SPATA31D1: variants seen among roughly 807,000 people sequenced by gnomAD.
The protein encoded by SPATA31D1 is spermatogenesis-associated protein 31D1.
SPATA31D1 carries 6 observed loss-of-function variants against 13.2 expected under a neutral mutation model. The observed-to-expected ratio is 0.46, with a 90% CI of 0.25 to 0.90. SPATA31D1 has a LOEUF of 0.90. Ranked by LOEUF, SPATA31D1 falls within the 40% of genes least tolerant of loss-of-function variation. SPATA31D1 has a pLI of 0.18. For synonymous variants in SPATA31D1, 903 were observed against 718.8 expected, an observed-to-expected ratio of 1.26 and a Z score of -4.10; for missense variants, 2,445 against 1,884.7, an observed-to-expected ratio of 1.30 and a Z score of -5.50.
In SPATA31D1 at chr9:81,991,032, C is replaced by A. The variant is rs367678939; in HGVS notation, c.562C>A (p.Pro188Thr). The A allele has an allele frequency of 1.9e-6, 3 of 1,613,388 alleles. No individual in the cohort carries two copies. In the African/African-American group the frequency reaches 4.0e-5, roughly 22 times the overall value. The change falls in exon 4 of 4, where the codon CCT becomes ACT. Residue 188 changes from proline to threonine, a missense_variant. Transcript: ENST00000344803. ...ATPPEDLILSPRPKASPPPPL... is the reference protein window; with the variant it reads ...ATPPEDLILSTRPKASPPPPL... ...CCCTCCAGAAGACCTAATACTGTCCCCTCGGCCTAAGGCCTCTCCACCACC... is the reference window on the plus strand; with the variant it reads ...CCCTCCAGAAGACCTAATACTGTCCACTCGGCCTAAGGCCTCTCCACCACC...
rs1564175215 is a variant in SPATA31D1, at chr9:81,993,331, G to A, written c.2861G>A (p.Gly954Glu). The A allele has an allele frequency of 6.2e-7, 1 of 1,613,854 alleles. No homozygotes were observed. Among genetic ancestry groups the A allele is most frequent in the Non-Finnish European group, 8.5e-7 (1 of 1,179,882 alleles). The stretch of plus-strand genomic sequence containing the variant: ...TCCTCAGCCACCTTCATCTCTCAGG[G>A]AGATTCCAAAGATGGGGTCTCTAAG... ...LPSSATFISQGDSKDGVSKSR... is the reference protein window; with the variant it reads ...LPSSATFISQEDSKDGVSKSR... The change falls in exon 4 of 4, where the codon GGA becomes GAA. Residue 954 changes from glycine (G) to glutamate (E), a missense_variant. Physicochemically the swap from Gly to Glu is moderately conservative, Grantham distance 98 (BLOSUM62 -2). Transcript: ENST00000344803.
intron 1 of SPATA31D1, 136 bp from the exon 2 acceptor site, chr9:81,989,642 A>G: frequency 1.0e-6 from 1 of 998,832 alleles, no homozygotes. Flanking sequence ...AAAATTGATA[A>G]CAGGAACATA....
Position 81,994,687 on chromosome 9 carries a change from G to A in SPATA31D1, c.4217G>A (p.Arg1406Lys), listed in dbSNP as rs767121244. The A allele has an allele frequency of 2.2e-5, 36 of 1,613,524 alleles. 1 individual carries two copies. The South Asian group carries it at 3.1e-4, about 14-fold the overall frequency. Residue 1406 changes from arginine to lysine, a missense_variant, in exon 4 of 4, where the codon AGG becomes AAG. Coordinates refer to ENST00000344803, the MANE Select transcript of SPATA31D1 (RefSeq NM_001001670.3). ...GGGACTACTGAAGCTCAGAAAATTA[G>A]GAAAGACACTAGGGAGTTCCTAGAA... is the stretch of plus-strand genomic sequence containing the variant. ...FTGTTEAQKI[R>K]KDTREFLEEK...
At position 81,989,833 on chromosome 9, in the gene SPATA31D1, G is replaced by A. The variant is rs746443824; in HGVS notation, c.232+10G>A. On this transcript the variant is annotated intron_variant, in intron 2 of 3. Coordinates refer to ENST00000344803, the MANE Select transcript of SPATA31D1 (RefSeq NM_001001670.3). The stretch of plus-strand genomic sequence containing the variant: ...GGTGGGACATTCAAAGGTAATGTCA[G>A]CCTGCTCTATCTGAGCTTCAGGGGT... 3 of 1,613,314 alleles carry A rather than the reference G, an allele frequency of 1.9e-6. No individual in the cohort carries two copies. The highest frequency in any genetic ancestry group is 2.7e-5 in the African/African-American group (2 of 75,030).
chr9:81,994,558 A>C lies in SPATA31D1; in HGVS notation c.4088A>C (p.Lys1363Thr). ...AAGACCTCTTTGCAGTGGTTTAATA[A>C]ACCCAGCATATCATATGAAGAACAA... ...WMKTSLQWFN[K>T]PSISYEEQES... Residue 1363 changes from lysine to threonine, a missense_variant, in exon 4 of 4, where the codon AAA (lysine) becomes ACA (threonine). Coordinates refer to ENST00000344803, the MANE Select transcript of SPATA31D1 (RefSeq NM_001001670.3). 6.2e-7 allele frequency: 1 copy of C among 1,613,184 alleles called. No individual in the cohort carries two copies. The highest frequency in any genetic ancestry group is 8.5e-7 in the Non-Finnish European group (1 of 1,179,478).
chr9:81,990,019 C>A, intron 2 of SPATA31D1, 196 bp downstream of exon 2: 2 of 617,690 alleles, frequency 3.2e-6, no homozygotes, highest in Non-Finnish European at 2.8e-6. Flanking sequence ...CATTTACGGG[C>A]AGGACAAAGT....
chr9:81,989,616 T>C (rs1824912578), intron 1 of SPATA31D1, among the ~76,000 whole-genome samples, 162 bp from the exon 2 acceptor site: 1 of 152,210 alleles, frequency 6.6e-6, no homozygotes, highest in South Asian at 2.1e-4. Context: ...AAATGGGAGC[T>C]ATTTTATCAC....
In SPATA31D1 at chr9:81,993,944, GAACAACTTGAC is replaced by G; in HGVS notation, c.3478_3488del (p.Asn1160GlnfsTer18). 6.2e-7 allele frequency: 1 copy of G among 1,613,794 alleles called. No homozygotes were observed. The highest frequency in any genetic ancestry group is 8.5e-7 in the Non-Finnish European group (1 of 1,179,798). ...CCAATGCTCTTCAATCACAAACTAG[GAACAACTTGAC>G]AACCAGCAAGTCAGGAAGCTGCTCA... On this transcript the variant is annotated frameshift_variant, in exon 4 of 4. Transcript: ENST00000344803. LOFTEE classifies it low-confidence loss of function (END_TRUNC).
At position 81,994,611 on chromosome 9, in the gene SPATA31D1, C is replaced by T. The variant is rs538871151; in HGVS notation, c.4141C>T (p.Leu1381=). 13 of 1,613,036 alleles carry T rather than the reference C, an allele frequency of 8.1e-6. No homozygotes were observed. In the East Asian group the frequency reaches 2.7e-4, roughly 33 times the overall value. Residue 1381 remains leucine (L), a synonymous_variant, in exon 4 of 4, where the codon CTG becomes TTG. Transcript: ENST00000344803. ...AAGTTCCTGGGAAAAGGGTAGCTCC[C>T]TGTCATCATGTGTGCAGAATATTGG... The part of the protein sequence containing the change: ...QESSWEKGSS[L]SSCVQNIGRV...
At position 81,992,742 on chromosome 9, in the gene SPATA31D1, G is replaced by A. The variant is rs1825002032; in HGVS notation, c.2272G>A (p.Glu758Lys). 5.0e-6 allele frequency: 8 copies of A among 1,613,704 alleles called. No individual in the cohort carries two copies. Among genetic ancestry groups the A allele is most frequent in the East Asian group, 2.2e-5 (1 of 44,886 alleles). ...SASSFPRSFHERSSNMLSMEN... is the reference protein window; with the variant it reads ...SASSFPRSFHKRSSNMLSMEN... The stretch of plus-strand genomic sequence containing the variant: ...ATCAAGCTTCCCTAGAAGCTTCCAC[G>A]AGAGGAGCTCAAATATGCTTTCCAT... The change falls in exon 4 of 4, where the codon GAG (glutamate) becomes AAG (lysine). Residue 758 changes from glutamate (E) to lysine (K), a missense_variant. Transcript: ENST00000344803.
chr9:81,995,050 C>G lies in SPATA31D1; in HGVS notation c.4580C>G (p.Pro1527Arg), dbSNP rs776790831. 3.1e-6 allele frequency: 5 copies of G among 1,613,688 alleles called. No individual in the cohort carries two copies. The highest frequency in any genetic ancestry group is 3.3e-5 in the Admixed American group (2 of 59,980). The change falls in exon 4 of 4, where the codon CCA (proline) becomes CGA (arginine). Residue 1527 changes from proline to arginine, a missense_variant. Physicochemically the swap from Pro to Arg is moderately radical, Grantham distance 103 (BLOSUM62 -2). Coordinates refer to ENST00000344803, the MANE Select transcript of SPATA31D1 (RefSeq NM_001001670.3). Reference protein sequence around the residue: ...SMPHRKPVPHPNPTCRRQVSL... With the variant: ...SMPHRKPVPHRNPTCRRQVSL... ...CCCCACAGGAAGCCTGTGCCACATC[C>G]AAACCCCACTTGCCGGCGTCAGGTC...
chr9:81,994,797 C>A lies in SPATA31D1; in HGVS notation c.4327C>A (p.His1443Asn). Residue 1443 changes from histidine (H) to asparagine (N), a missense_variant, in exon 4 of 4, where the codon CAC (histidine) becomes AAC (asparagine). By Grantham distance (68) the His-to-Asn change is moderately conservative. Transcript: ENST00000344803. The stretch of plus-strand genomic sequence containing the variant: ...CCCAGTGGGGCTTGGGAAAGCTCAG[C>A]ACAACCCAGAAGTGCATGTCAGAGC... The part of the protein sequence containing the change: ...SFPVGLGKAQ[H>N]NPEVHVRAEP... The A allele has an allele frequency of 6.2e-7, 1 of 1,613,936 alleles. No individual in the cohort carries two copies. The highest frequency in any genetic ancestry group is 8.5e-7 in the Non-Finnish European group (1 of 1,179,862).
rs752554115 is a variant in SPATA31D1, at chr9:81,994,293, C to T, written c.3823C>T (p.Pro1275Ser). The T allele has an allele frequency of 4.3e-6, 7 of 1,613,910 alleles. No individual in the cohort carries two copies. The South Asian group carries it at 7.7e-5, about 18-fold the overall frequency. The stretch of plus-strand genomic sequence containing the variant: ...GGCACAGAAGCAGGAGCCCAGGGTC[C>T]CTACCTGTGTCTTACAGAAGTGTCA... ...RVAQKQEPRV[P>S]TCVLQKCQVT... Residue 1275 changes from proline (P) to serine (S), a missense_variant, in exon 4 of 4, where the codon CCT (proline) becomes TCT (serine). Pro to Ser is a moderately conservative substitution (Grantham distance 74, BLOSUM62 -1). Transcript: ENST00000344803.
upstream of SPATA31D1, chr9:81,988,711 A>G (rs1473156143): frequency 2.2e-5 from 35 of 1,558,910 alleles, no homozygotes; most frequent in Non-Finnish European, 2.7e-5. Flanking sequence ...CTGCACCCTT[A>G]GAAACCTTCT....
At position 81,990,474 on chromosome 9, in the gene SPATA31D1, C is replaced by T. The variant is rs267602286; in HGVS notation, c.290C>T (p.Ser97Phe). Reference protein sequence around the residue: ...REEEEERKLLSLLKSFGPPVS... With the variant: ...REEEEERKLLFLLKSFGPPVS... ...GAGGAAGAGGAAAGGAAGCTGCTTT[C>T]TCTTCTGAAAAGGTGATTAATCTTT... Residue 97 changes from serine to phenylalanine, a missense_variant, in exon 3 of 4, where the codon TCT (serine) becomes TTT (phenylalanine). Ser to Phe is a radical substitution (Grantham distance 155). Transcript: ENST00000344803. The T allele has an allele frequency of 6.2e-7, 1 of 1,606,268 alleles. No individual in the cohort carries two copies. Among genetic ancestry groups the T allele is most frequent in the Non-Finnish European group, 8.5e-7 (1 of 1,176,064 alleles).
rs1021233140 is a variant in SPATA31D1 at position 81,993,366 on chromosome 9, C to T, written c.2896C>T (p.Arg966Ter). ...AGATGGGGTCTCTAAGTCCCGTAGT[C>T]GAAGCACTTTTCAAGGAGAAAAGTT... ...SKDGVSKSRS[R>*]STFQGEKLGT... The change falls in exon 4 of 4, where the codon CGA (arginine) becomes TGA (stop). Residue 966 changes from arginine to a stop codon, truncating the protein, a stop_gained. Transcript: ENST00000344803. LOFTEE classifies it low-confidence loss of function (END_TRUNC). 20 of 1,613,792 alleles carry T rather than the reference C, an allele frequency of 1.2e-5. No individual in the cohort carries two copies. Among genetic ancestry groups the T allele is most frequent in the Admixed American group, 1.2e-4 (7 of 59,998 alleles).
chr9:81,991,637 T>C lies in SPATA31D1; in HGVS notation c.1167T>C (p.Phe389=). 1 of 1,613,992 alleles carries C rather than the reference T, an allele frequency of 6.2e-7. No homozygotes were observed. The highest frequency in any genetic ancestry group is 8.5e-7 in the Non-Finnish European group (1 of 1,179,902). The change falls in exon 4 of 4, where the codon TTT becomes TTC. Residue 389 remains phenylalanine (F), a synonymous_variant. Transcript: ENST00000344803. The part of the protein sequence containing the change: ...ELLTLHSSEA[F]LGGHSVANLI... ...TTACCCTTCATTCTTCTGAGGCCTTTTTAGGGGGGCACTCTGTGGCCAACC... is the reference window on the plus strand; with the variant it reads ...TTACCCTTCATTCTTCTGAGGCCTTCTTAGGGGGGCACTCTGTGGCCAACC...
chr9:81,992,647 A>G lies in SPATA31D1; in HGVS notation c.2177A>G (p.Glu726Gly). The change falls in exon 4 of 4, where the codon GAG (glutamate) becomes GGG (glycine). Residue 726 changes from glutamate (E) to glycine (G), a missense_variant. By Grantham distance (98) the Glu-to-Gly change is moderately conservative. Transcript: ENST00000344803. ...AAAATTTCAGAGCTATCTGTGTCAGAGAGAATTCATGGACCGTTAAATATC... is the reference window on the plus strand; with the variant it reads ...AAAATTTCAGAGCTATCTGTGTCAGGGAGAATTCATGGACCGTTAAATATC... ...QSKISELSVS[E>G]RIHGPLNISL... The G allele has an allele frequency of 6.2e-7, 1 of 1,613,824 alleles. No homozygotes were observed. Among genetic ancestry groups the G allele is most frequent in the Non-Finnish European group, 8.5e-7 (1 of 1,179,746 alleles).
rs374172049 is a variant in SPATA31D1 at position 81,989,884 on chromosome 9, A to T, written c.232+61A>T. 4.4e-5 allele frequency: 69 copies of T among 1,558,072 alleles called. No homozygotes were observed. The East Asian group carries it at 7.9e-4, about 18-fold the overall frequency. The stretch of plus-strand genomic sequence containing the variant: ...GACCCTTTCTGTCTCTTTCATGATG[A>T]CTCAGTCCCATGATTTCTTAGAATG... On this transcript the variant is annotated intron_variant, in intron 2 of 3. Coordinates refer to ENST00000344803, the MANE Select transcript of SPATA31D1 (RefSeq NM_001001670.3).
Sources: gnomAD v4.1 joint callset for allele counts (sites outside exome capture counted in the v4.1 genomes callset) on GRCh38, gnomAD v4.1.1 for gene constraint, MANE v1.5 for transcripts, NCBI Gene and HGNC (gene_info 2026-07-23, HGNC 2026-07-21) for gene names.